Variants in SPTBN1 observed in about 807,000 individuals in gnomAD.
SPTBN1 encodes spectrin beta chain, non-erythrocytic 1.
A neutral mutation model predicts 266.4 loss-of-function variants in SPTBN1; 32 were observed. The observed-to-expected ratio is 0.12, with a 90% CI of 0.09 to 0.16. The LOEUF is 0.16. Ranked by LOEUF, SPTBN1 falls within the 10% of genes least tolerant of loss-of-function variation. SPTBN1 has a pLI of 1.00. For missense variants in SPTBN1, 2,296 were observed against 3,067.1 expected (o/e 0.75, Z 5.94); for synonymous variants, 1,336 against 1,162.2 (o/e 1.15, Z -3.04).
At chr2:54,475,150 G>C (rs961890130) in intron 1 of SPTBN1, among the ~76,000 whole-genome samples, 1 of 152,218 alleles carries the variant, frequency 6.6e-6, no homozygotes, top group African/African-American at 2.4e-5. Flanking sequence ...AGGTTGCAGT[G>C]AGCTGAGATC....
rs1156390504 is a variant in SPTBN1 at position 54,626,113 on chromosome 2, G to A, written c.1523G>A (p.Arg508Gln). 6.2e-6 allele frequency: 10 copies of A among 1,614,190 alleles called. No homozygotes were observed. Among genetic ancestry groups the A allele is most frequent in the East Asian group, 4.5e-5 (2 of 44,884 alleles). ...RITARKDNVI[R>Q]LWEYLLELLR... is the part of the protein sequence containing the mutation. ...ACAGCGAGGAAGGACAATGTCATCC[G>A]GCTCTGGGAATACCTACTGGAACTG... is the stretch of plus-strand genomic sequence containing the variant. The change falls in exon 12 of 36, where the codon CGG becomes CAG. Residue 508 changes from arginine to glutamine, a missense_variant. Physicochemically the swap from Arg to Gln is conservative, Grantham distance 43. Around this residue, in one of 12 missense-constraint regions of SPTBN1, gnomAD observed 434 missense variants for 573.9 expected, o/e 0.76. Transcript: ENST00000356805. This position sits in a 1 kb window ranked among gnomAD's most constrained non-coding sequence, Gnocchi z 4.7.
chr2:54,611,055 C>T (rs1438185882), intron 3 of SPTBN1, among the ~76,000 whole-genome samples: 1 of 151,688 alleles, frequency 6.6e-6, no homozygotes, highest in African/African-American at 2.4e-5. Flanking sequence ...TAATACTGCT[C>T]AAATGGTGCC....
chr2:54,469,316 G>T (rs1445527921), intron 1 of SPTBN1, among the ~76,000 whole-genome samples: 1 of 152,188 alleles, frequency 6.6e-6, no homozygotes, highest in Non-Finnish European at 1.5e-5. Flanking sequence ...GAAACTTGGG[G>T]GTTGCTGTTA....
At chr2:54,593,823 CTTTTTTTT>C (rs374877354) in intron 2 of SPTBN1, among the ~76,000 whole-genome samples, 13 of 64,794 alleles carry the variant, frequency 2.0e-4, no homozygotes, top group South Asian at 7.9e-4. Context: ...CATGGAAACA[CTTTTTTTT>C]TTTTTTTTTT....
intron 1 of SPTBN1, among the ~76,000 whole-genome samples, chr2:54,473,095 G>A (rs1469986953): frequency 1.3e-5 from 2 of 152,122 alleles, no homozygotes; most frequent in African/African-American, 2.4e-5. Flanking sequence ...GTCTTCATAT[G>A]TGTAAGTCTT....
At chr2:54,530,653 G>A (rs1010447861) in intron 2 of SPTBN1, among the ~76,000 whole-genome samples, 2 of 151,840 alleles carry the variant, frequency 1.3e-5, no homozygotes, top group Admixed American at 6.6e-5. Flanking sequence ...CACCGCGCCC[G>A]GCTTAAAAAA....
intron 1 of SPTBN1, among the ~76,000 whole-genome samples, chr2:54,503,165 G>GC (rs1204203565): frequency 6.6e-6 from 1 of 152,202 alleles, no homozygotes; most frequent in Non-Finnish European, 1.5e-5. Flanking sequence ...ATTCTCACCT[G>GC]CCCCACGACA....
At chr2:54,535,591 C>G (rs1671550019) in intron 2 of SPTBN1, among the ~76,000 whole-genome samples, 2 of 152,232 alleles carry the variant, frequency 1.3e-5, no homozygotes, top group East Asian at 1.9e-4. Flanking sequence ...ATTTCTGTCT[C>G]TGCTCTCTTA....
At chr2:54,465,574 A>T (rs1229309309) in intron 1 of SPTBN1, among the ~76,000 whole-genome samples, 2 of 150,494 alleles carry the variant, frequency 1.3e-5, no homozygotes, top group African/African-American at 4.9e-5. Flanking sequence ...TATGAAAAGA[A>T]ATTCCTGTGC....
rs1308079811 is a variant in SPTBN1, at chr2:54,538,881, G to A, written c.148+12315G>A. 3.3e-5 allele frequency among the ~76,000 whole-genome samples: 5 copies of A among 152,252 alleles called. 1 individual carries two copies. The highest frequency in any genetic ancestry group is 1.2e-4 in the African/African-American group (5 of 41,538). Reference sequence around the variant, plus strand: ...AAGTCGGAGATGCCGGGCCATTTGCGGGTTCTCAGCCCTTCCCTGTGTTAC... The same window carrying A: ...AAGTCGGAGATGCCGGGCCATTTGCAGGTTCTCAGCCCTTCCCTGTGTTAC... On this transcript the variant is annotated intron_variant, in intron 2 of 35. Coordinates refer to ENST00000356805, the MANE Select transcript of SPTBN1 (RefSeq NM_003128.3).
chr2:54,481,755 G>A (rs898483796), intron 1 of SPTBN1, among the ~76,000 whole-genome samples: 3 of 152,294 alleles, frequency 2.0e-5, no homozygotes, highest in South Asian at 2.1e-4. Context: ...AGAGTGTGTG[G>A]ATGGGTTAGC....
At chr2:54,583,107 A>T (rs938371252) in intron 2 of SPTBN1, among the ~76,000 whole-genome samples, 2 of 151,596 alleles carry the variant, frequency 1.3e-5, no homozygotes, top group African/African-American at 4.9e-5. Flanking sequence ...TGGTGGATGA[A>T]CCCCCATTTG....
chr2:54,506,850 G>C (rs1669587280), intron 1 of SPTBN1, among the ~76,000 whole-genome samples: 2 of 149,814 alleles, frequency 1.3e-5, no homozygotes, highest in Non-Finnish European at 3.0e-5. Context: ...TTTCAGAAGA[G>C]TCTCTCCAGA....
At chr2:54,574,831 A>G (rs1424238796) in intron 2 of SPTBN1, among the ~76,000 whole-genome samples, 1 of 152,168 alleles carries the variant, frequency 6.6e-6, no homozygotes, top group East Asian at 1.9e-4. Flanking sequence ...ACTTTTTGAA[A>G]AAGTGTGTGG....
At chr2:54,561,854 T>G (rs1673328753) in intron 2 of SPTBN1, among the ~76,000 whole-genome samples, 2 of 139,082 alleles carry the variant, frequency 1.4e-5, no homozygotes, top group Non-Finnish European at 3.0e-5. Flanking sequence ...TTGTAGAGAT[T>G]TGTGGGTCAG....
intron 1 of SPTBN1, 74 bp downstream of exon 1, chr2:54,456,592 A>G (rs1693042512): frequency 6.6e-6 from 1 of 151,238 alleles, no homozygotes; most frequent in Non-Finnish European, 1.5e-5. Flanking sequence ...GCGGCGGCGG[A>G]CGGGCGGGAG....
chr2:54,562,939 G>A (rs964922623), intron 2 of SPTBN1, among the ~76,000 whole-genome samples: 8 of 152,146 alleles, frequency 5.3e-5, no homozygotes, highest in African/African-American at 1.9e-4. Flanking sequence ...AGGGTTACTG[G>A]GAAAAACGAT....
chr2:54,639,428 G>A (rs1468701317), intron 18 of SPTBN1, among the ~76,000 whole-genome samples: 5 of 152,166 alleles, frequency 3.3e-5, no homozygotes, highest in Non-Finnish European at 7.3e-5. Flanking sequence ...CCACACTCCT[G>A]CTTTTAAAGG....
chr2:54,617,832 G>T, intron 6 of SPTBN1, 144 bp downstream of exon 6: 1 of 767,350 alleles, frequency 1.3e-6, no homozygotes, highest in South Asian at 1.9e-5. Context: ...GGAAAATATG[G>T]GAGAATATAT....
Sources: gnomAD v4.1 joint callset for allele counts (sites outside exome capture counted in the v4.1 genomes callset) on GRCh38, gnomAD v4.1.1 for gene constraint, gnomAD v4.1.1 regional missense constraint, Gnocchi (gnomAD v3.1) non-coding constraint, MANE v1.5 for transcripts, NCBI Gene and HGNC (gene_info 2026-07-23, HGNC 2026-07-21) for gene names.